EPHA4: variants seen among roughly 807,000 people sequenced by gnomAD.
EPHA4 encodes EPH receptor A4.
EPHA4 carries 19 observed loss-of-function variants against 108.3 expected under a neutral mutation model. That is an observed-to-expected ratio of 0.18 (90% CI 0.12 to 0.26). The LOEUF (loss-of-function observed/expected upper bound fraction) is 0.26. Ranked by LOEUF, EPHA4 falls within the 10% of genes least tolerant of loss-of-function variation. The probability of loss-of-function intolerance (pLI) is 1.00; values close to 1 mark genes in which losing one functional copy is unlikely to be tolerated. For missense variants in EPHA4, 917 were observed against 1,254.0 expected (o/e 0.73, Z 4.06); for synonymous variants, 449 against 455.5 (o/e 0.99, Z 0.18).
At chr2:221,558,915 G>A (rs1437935188) in intron 3 of EPHA4, among the ~76,000 whole-genome samples, 1 of 152,196 alleles carries the variant, frequency 6.6e-6, no homozygotes, top group Non-Finnish European at 1.5e-5. Flanking sequence ...TTCAAAGGTA[G>A]AGGAAAAATT....
chr2:221,505,106 T>C (rs1692591177), intron 3 of EPHA4, among the ~76,000 whole-genome samples: 1 of 152,110 alleles, frequency 6.6e-6, no homozygotes, highest in African/African-American at 2.4e-5. Flanking sequence ...ACACTGTCCA[T>C]TAAAATAACT....
chr2:221,504,509 T>G (rs1373013844), intron 3 of EPHA4, among the ~76,000 whole-genome samples: 1 of 150,044 alleles, frequency 6.7e-6, no homozygotes, highest in Non-Finnish European at 1.5e-5. Flanking sequence ...CCCAATTTAA[T>G]GAGCTGATTA....
chr2:221,477,865 TTACGTAA>T (rs1483183744), intron 5 of EPHA4, among the ~76,000 whole-genome samples: 3 of 152,256 alleles, frequency 2.0e-5, no homozygotes, highest in Admixed American at 2.0e-4. Context: ...GTTTAAATAA[TTACGTAA>T]TGCATCAAAT....
At chr2:221,561,309 T>C (rs1219513732) in intron 3 of EPHA4, among the ~76,000 whole-genome samples, 1 of 152,024 alleles carries the variant, frequency 6.6e-6, no homozygotes, top group African/African-American at 2.4e-5. Flanking sequence ...GTCATTCAAG[T>C]TTTTTCTTAC....
chr2:221,478,723 TCTATCTGC>T (rs568010216), intron 5 of EPHA4, among the ~76,000 whole-genome samples: 59 of 151,868 alleles, frequency 3.9e-4, no homozygotes, highest in African/African-American at 1.0e-3. Flanking sequence ...CTCAGACCTG[TCTATCTGC>T]CTATCTGCCT....
intron 3 of EPHA4, among the ~76,000 whole-genome samples, chr2:221,555,959 C>A (rs992912699): frequency 6.6e-6 from 1 of 152,146 alleles, no homozygotes; most frequent in South Asian, 2.1e-4. Context: ...ATTTTTAAAG[C>A]CTCTCCATGA....
intron 3 of EPHA4, among the ~76,000 whole-genome samples, chr2:221,531,688 T>A (rs1220491887): frequency 6.6e-6 from 1 of 151,982 alleles, no homozygotes; most frequent in Non-Finnish European, 1.5e-5. Context: ...ATAAATAGGA[T>A]GAAAACAGTT....
At chr2:221,570,839 G>C (rs1242421556) in intron 1 of EPHA4, among the ~76,000 whole-genome samples, 1 of 151,638 alleles carries the variant, frequency 6.6e-6, no homozygotes, top group Non-Finnish European at 1.5e-5. Flanking sequence ...TATATGGATG[G>C]ATGCATTATG....
At chr2:221,555,027 T>C (rs893313573) in intron 3 of EPHA4, among the ~76,000 whole-genome samples, 3 of 152,200 alleles carry the variant, frequency 2.0e-5, no homozygotes, top group Non-Finnish European at 4.4e-5. Flanking sequence ...AGATTCCAGC[T>C]GAAGCTGTCA....
intron 3 of EPHA4, among the ~76,000 whole-genome samples, chr2:221,535,290 GT>G (rs1318160376): frequency 6.6e-6 from 1 of 152,196 alleles, no homozygotes; most frequent in Admixed American, 6.5e-5. Context: ...GAGGATTGAT[GT>G]TAAAAGTGTA....
At chr2:221,468,585 A>T (rs987891904) in intron 5 of EPHA4, among the ~76,000 whole-genome samples, 1 of 152,214 alleles carries the variant, frequency 6.6e-6, no homozygotes, top group Non-Finnish European at 1.5e-5. Flanking sequence ...AAGCATCTAG[A>T]TCAGTCCCCA....
In EPHA4 at chr2:221,563,487, T is replaced by C. The variant is rs538605145; in HGVS notation, c.823+244A>G. ...AGAGGGCGCATCAAGCCAGTTCAGA[T>C]ATAAGTGCCTGTTAGCAAATGTGTT... On this transcript the variant is annotated intron_variant, in intron 3 of 17. Coordinates refer to ENST00000281821, the MANE Select transcript of EPHA4 (RefSeq NM_004438.5). 1.4e-4 allele frequency among the ~76,000 whole-genome samples: 21 copies of C among 152,358 alleles called. No individual in the cohort carries two copies. In the South Asian group the frequency reaches 4.1e-3, roughly 30 times the overall value.
At chr2:221,465,870 G>C (rs1691294279) in intron 5 of EPHA4, among the ~76,000 whole-genome samples, 1 of 152,166 alleles carries the variant, frequency 6.6e-6, no homozygotes, top group African/African-American at 2.4e-5. Context: ...AAGTGAAGTG[G>C]AGCCTTCTGG....
intron 3 of EPHA4, among the ~76,000 whole-genome samples, chr2:221,560,023 G>A (rs1340590794): frequency 6.6e-6 from 1 of 152,208 alleles, no homozygotes; most frequent in Non-Finnish European, 1.5e-5. Context: ...AACTGCAAGA[G>A]GAAGTGTAGT....
At chr2:221,452,382 A>T (rs1375468538) in intron 8 of EPHA4, among the ~76,000 whole-genome samples, 2 of 152,144 alleles carry the variant, frequency 1.3e-5, no homozygotes, top group African/African-American at 4.8e-5. Context: ...ACCACCTTTC[A>T]TTTGTCCTCT....
intron 15 of EPHA4, among the ~76,000 whole-genome samples, chr2:221,428,248 C>A (rs185303804): frequency 2.2e-4 from 34 of 152,286 alleles, no homozygotes; most frequent in African/African-American, 7.5e-4. Flanking sequence ...TATCTTCACT[C>A]GATGTCAATT....
chr2:221,526,940 A>G (rs1693346056), intron 3 of EPHA4, among the ~76,000 whole-genome samples: 1 of 140,986 alleles, frequency 7.1e-6, no homozygotes, highest in South Asian at 2.3e-4. Context: ...TAAAATCTGA[A>G]TCTACCCCCG....
chr2:221,501,074 T>G lies in EPHA4; in HGVS notation c.922A>C (p.Thr308Pro), dbSNP rs768017972. Residue 308 changes from threonine to proline, a missense_variant, in exon 4 of 18, where the codon ACC becomes CCC. By Grantham distance (38) the Thr-to-Pro change is conservative (BLOSUM62 -1). Coordinates refer to ENST00000281821, the MANE Select transcript of EPHA4 (RefSeq NM_004438.5). Reference protein sequence around the residue: ...YSVWEGATSCTCDRGFFRADN... With the variant: ...YSVWEGATSCPCDRGFFRADN... ...GCTCTGAAAAAGCCTCGGTCACAGG[T>G]GCACGAGGTGGCTCCTTCCCAGACA... is the stretch of plus-strand genomic sequence containing the variant. 4 of 1,613,362 alleles carry G rather than the reference T, an allele frequency of 2.5e-6. No homozygotes were observed. The South Asian group carries it at 3.3e-5, about 13-fold the overall frequency.
chr2:221,512,034 A>G (rs893007603), intron 3 of EPHA4, among the ~76,000 whole-genome samples: 6 of 152,194 alleles, frequency 3.9e-5, no homozygotes, highest in Non-Finnish European at 5.9e-5. Flanking sequence ...TGACTTTAGT[A>G]AATTTTGAGA....
Sources: allele counts gnomAD v4.1 joint callset (sites outside exome capture counted in the v4.1 genomes callset), GRCh38; gene constraint gnomAD v4.1.1; transcripts MANE v1.5; gene names NCBI Gene and HGNC (gene_info 2026-07-23, HGNC 2026-07-21).